The following OR2K2 variants were observed in gnomAD, a reference collection of about 807,000 sequenced individuals.
OR2K2 encodes the protein olfactory receptor 2K2.
OR2K2 carries 7 observed loss-of-function variants against 11.1 expected under a neutral mutation model. The ratio of observed to expected loss-of-function variants is 0.63; its 90% CI spans 0.36 to 1.19. The LOEUF is 1.19. OR2K2 is among the 50% of genes most tolerant of loss of function. The probability of loss-of-function intolerance (pLI) is 0.02; values close to 1 mark genes in which losing one functional copy is unlikely to be tolerated. For missense variants in OR2K2, 391 were observed against 383.4 expected (o/e 1.02, Z -0.17); for synonymous variants, 152 against 150.8 (o/e 1.01, Z -0.06).
At position 111,327,828 on chromosome 9, in the gene OR2K2, G is replaced by A. The variant is rs138267764; in HGVS notation, c.606C>T (p.Ser202=). ...GCATTGGAATTGGCAAGAGGAGAAT[G>A]CTGACCACCAGCATGATGGTGTTCA... ...LLMNTIMLVV[S]ILLLPIPMLL... Residue 202 remains serine (S), a synonymous_variant, in exon 2 of 2, where the codon AGC becomes AGT. Coordinates refer to ENST00000302681, the MANE Select transcript of OR2K2 (RefSeq NM_205859.2). The A allele has an allele frequency of 1.8e-5, 29 of 1,614,062 alleles. No individual in the cohort carries two copies. The highest frequency in any genetic ancestry group is 2.4e-5 in the Non-Finnish European group (28 of 1,180,030).
chr9:111,327,791 T>A lies in OR2K2; in HGVS notation c.643A>T (p.Ile215Phe). ...LLPIPMLLVC[I>F]SYIFILSTIL... is the part of the protein sequence containing the mutation. The stretch of plus-strand genomic sequence containing the variant: ...GTGGAAAGGATGAAGATGTAAGAGA[T>A]GCAAACTAAGAGCATTGGAATTGGC... Residue 215 changes from isoleucine (I) to phenylalanine (F), a missense_variant, in exon 2 of 2, where the codon ATC (isoleucine) becomes TTC (phenylalanine). Physicochemically the swap from Ile to Phe is conservative, Grantham distance 21. Coordinates refer to ENST00000302681, the MANE Select transcript of OR2K2 (RefSeq NM_205859.2). 6.2e-7 allele frequency: 1 copy of A among 1,614,184 alleles called. No individual in the cohort carries two copies. Among genetic ancestry groups the A allele is most frequent in the Admixed American group, 1.7e-5 (1 of 60,024 alleles).
Position 111,327,600 on chromosome 9 carries a change from T to A in OR2K2, c.834A>T (p.Gly278=). The A allele has an allele frequency of 6.2e-7, 1 of 1,614,102 alleles. No individual in the cohort carries two copies. The highest frequency in any genetic ancestry group is 8.5e-7 in the Non-Finnish European group (1 of 1,179,964). The change falls in exon 2 of 2, where the codon GGA becomes GGT. Residue 278 remains glycine (G), a synonymous_variant. Coordinates refer to ENST00000302681, the MANE Select transcript of OR2K2 (RefSeq NM_205859.2). The part of the protein sequence containing the change: ...KIDKIISLLY[G]VLTPMLNPII... The stretch of plus-strand genomic sequence containing the variant: ...TGGGGTTCAACATAGGGGTAAGCAC[T>A]CCGTAAAGCAACGAGATGATTTTGT...
Position 111,328,367 on chromosome 9 carries a change from A to G in OR2K2, c.67T>C (p.Leu23=). The G allele has an allele frequency of 6.2e-7, 1 of 1,613,680 alleles. No individual in the cohort carries two copies. The highest frequency in any genetic ancestry group is 8.5e-7 in the Non-Finnish European group (1 of 1,179,998). The change falls in exon 2 of 2, where the codon TTA becomes CTA. Residue 23 remains leucine (L), a synonymous_variant. Transcript: ENST00000302681. ...CTGAAGACGAAGAGAACCACTTCTA[A>G]CCCTGGGTACTGGGAAAATCCCTCC... ...FLEGFSQYPG[L]EVVLFVFSLV...
rs752825997 is a variant in OR2K2 at position 111,328,463 on chromosome 9, T to C, written c.-30A>G. On this transcript the variant is annotated 5_prime_UTR_variant, in exon 2 of 2. Coordinates refer to ENST00000302681, the MANE Select transcript of OR2K2 (RefSeq NM_205859.2). ...TTTCTTTCATCTATATTTCTTCCAG[T>C]ACTATTCCCTTCATTTAATCTGAGG... is the stretch of plus-strand genomic sequence containing the variant. 7.2e-7 allele frequency: 1 copy of C among 1,388,630 alleles called. No homozygotes were observed. Among genetic ancestry groups the C allele is most frequent in the East Asian group, 2.3e-5 (1 of 43,706 alleles). The allele number at this position is 1,388,630 out of a possible 1,614,324, so 86.0% of individuals were successfully genotyped here.
chr9:111,327,972 C>A lies in OR2K2; in HGVS notation c.462G>T (p.Leu154=). The A allele has an allele frequency of 6.2e-7, 1 of 1,614,128 alleles. No homozygotes were observed. Among genetic ancestry groups the A allele is most frequent in the Non-Finnish European group, 8.5e-7 (1 of 1,180,022 alleles). Residue 154 remains leucine (L), a synonymous_variant, in exon 2 of 2, where the codon CTG becomes CTT. Transcript: ENST00000302681. ...MATVSWVTGC[L]TALLETSFAL... ...CAAAACTGGTTTCCAGCAGAGCGGT[C>A]AGGCAACCCGTCACCCAGGAGACCG...
At chr9:111,329,811 T>C (rs1171690839) in intron 1 of OR2K2, among the ~76,000 whole-genome samples, 1 of 152,206 alleles carries the variant, frequency 6.6e-6, no homozygotes, top group South Asian at 2.1e-4. Context: ...TTTCACATTA[T>C]TAACAAAAAA....
At chr9:111,328,615 G>A in intron 1 of OR2K2, 133 bp from the exon 2 acceptor site, 1 of 594,492 alleles carries the variant, frequency 1.7e-6, no homozygotes, top group Middle Eastern at 4.5e-4. Context: ...GATGTAAGGG[G>A]GGGAGCAGGT....
intron 1 of OR2K2, 129 bp from the exon 2 acceptor site, chr9:111,328,611 A>AG (rs939188076): frequency 2.2e-5 from 13 of 600,420 alleles, no homozygotes; most frequent in South Asian, 1.0e-4. Flanking sequence ...TATTGATGTA[A>AG]GGGGGGGAGC....
chr9:111,329,707 G>C (rs314451), intron 1 of OR2K2, among the ~76,000 whole-genome samples: 42,797 of 152,070 alleles, frequency 0.28, 7,528 homozygotes, highest in Non-Finnish European at 0.41. Context: ...TTTCACTTGT[G>C]ATCAATGAGA....
At position 111,328,174 on chromosome 9, in the gene OR2K2, GA is replaced by G; in HGVS notation, c.259del (p.Ser87HisfsTer31). Reference protein sequence around the residue: ...SVPTLLVNLLSSQKTIIFSGC... With the variant: ...SVPTLLVNLLXSQKTIIFSGC... ...AGAAAAGATAATGGTTTTCTGGGAT[GA>G]CAGCAAGTTCACCAGCAAAGTAGGA... On this transcript the variant is annotated frameshift_variant, in exon 2 of 2. Coordinates refer to ENST00000302681, the MANE Select transcript of OR2K2 (RefSeq NM_205859.2). LOFTEE classifies it high-confidence loss of function. 3 of 1,614,184 alleles carry G rather than the reference GA, an allele frequency of 1.9e-6. No individual in the cohort carries two copies. In the East Asian group the frequency reaches 6.7e-5, roughly 36 times the overall value.
chr9:111,327,637 G>A lies in OR2K2; in HGVS notation c.797C>T (p.Ala266Val), dbSNP rs1369813226. 2 of 1,614,068 alleles carry A rather than the reference G, an allele frequency of 1.2e-6. No homozygotes were observed. Among genetic ancestry groups the A allele is most frequent in the Admixed American group, 1.7e-5 (1 of 60,000 alleles). ...SMYLKPSSSN[A>V]QKIDKIISLL... ...CGAGATGATTTTGTCTATTTTTTGT[G>A]CATTTGATGAAGAAGGCTTTAGGTA... The change falls in exon 2 of 2, where the codon GCA (alanine) becomes GTA (valine). Residue 266 changes from alanine to valine, a missense_variant. Coordinates refer to ENST00000302681, the MANE Select transcript of OR2K2 (RefSeq NM_205859.2).
chr9:111,328,744 G>C (rs2131416100), intron 1 of OR2K2, among the ~76,000 whole-genome samples: 1 of 152,216 alleles, frequency 6.6e-6, no homozygotes, highest in African/African-American at 2.4e-5. Context: ...CACACAGTAG[G>C]TCTTTAATAA....
Position 111,327,782 on chromosome 9 carries a change from T to C in OR2K2, c.652A>G (p.Ile218Val), listed in dbSNP as rs751874246. The C allele has an allele frequency of 6.2e-7, 1 of 1,614,130 alleles. No individual in the cohort carries two copies. The highest frequency in any genetic ancestry group is 2.2e-5 in the East Asian group (1 of 44,878). The change falls in exon 2 of 2, where the codon ATC becomes GTC. Residue 218 changes from isoleucine to valine, a missense_variant. Physicochemically the swap from Ile to Val is conservative, Grantham distance 29. Transcript: ENST00000302681. Reference protein sequence around the residue: ...IPMLLVCISYIFILSTILRIT... With the variant: ...IPMLLVCISYVFILSTILRIT... The stretch of plus-strand genomic sequence containing the variant: ...CTCAGAATAGTGGAAAGGATGAAGA[T>C]GTAAGAGATGCAAACTAAGAGCATT...
In OR2K2 at chr9:111,327,507, C is replaced by T. The variant is rs149938143; in HGVS notation, c.927G>A (p.Leu309=). The part of the protein sequence containing the change: ...AMKKLLGKIT[L]HQTHEHL ...ATCAGAGATGTTCGTGTGTTTGATG[C>T]AATGTTATTTTGCCCAGCAATTTCT... is the stretch of plus-strand genomic sequence containing the variant. Residue 309 remains leucine (L), a synonymous_variant, in exon 2 of 2, where the codon TTG becomes TTA. Transcript: ENST00000302681. The T allele has an allele frequency of 5.3e-5, 86 of 1,607,848 alleles. No individual in the cohort carries two copies. Among genetic ancestry groups the T allele is most frequent in the Non-Finnish European group, 6.9e-5 (81 of 1,177,206 alleles).
chr9:111,328,441 C>A lies in OR2K2; in HGVS notation c.-8G>T. 6.4e-7 allele frequency: 1 copy of A among 1,569,882 alleles called. No homozygotes were observed. The highest frequency in any genetic ancestry group is 8.7e-7 in the Non-Finnish European group (1 of 1,148,896). On this transcript the variant is annotated 5_prime_UTR_variant, in exon 2 of 2. The change creates a premature stop within an existing upstream ORF in the 5' untranslated region. Coordinates refer to ENST00000302681, the MANE Select transcript of OR2K2 (RefSeq NM_205859.2). Reference sequence around the variant, plus strand: ...GAAGTTTTCTCCTTGCATTTTCTTTCTTTCATCTATATTTCTTCCAGTACT... The same window carrying A: ...GAAGTTTTCTCCTTGCATTTTCTTTATTTCATCTATATTTCTTCCAGTACT...
At position 111,327,873 on chromosome 9, in the gene OR2K2, A is replaced by G; in HGVS notation, c.561T>C (p.Ala187=). ...TGTTCATGAGCAGTGAACTTGTGCAAGCTAACTTTAGCACCGCCAGAATTT... is the reference window on the plus strand; with the variant it reads ...TGTTCATGAGCAGTGAACTTGTGCAGGCTAACTTTAGCACCGCCAGAATTT... ...TCEILAVLKL[A]CTSSLLMNTI... Residue 187 remains alanine, a synonymous_variant, in exon 2 of 2, where the codon GCT becomes GCC. Transcript: ENST00000302681. 1 of 1,614,208 alleles carries G rather than the reference A, an allele frequency of 6.2e-7. No individual in the cohort carries two copies. The highest frequency in any genetic ancestry group is 1.1e-5 in the South Asian group (1 of 91,084).
rs1441709442 is a variant in OR2K2, at chr9:111,330,134, T to G, written c.-78A>C. On this transcript the variant is annotated 5_prime_UTR_variant, in exon 1 of 2. Transcript: ENST00000302681. Reference sequence around the variant, plus strand: ...AGATTTGATATTCAAAAGTATTTAATAGTAGCCAAGAAGAATTGGTCCTCC... The same window carrying G: ...AGATTTGATATTCAAAAGTATTTAAGAGTAGCCAAGAAGAATTGGTCCTCC... 1 of 152,206 alleles carries G rather than the reference T, an allele frequency of 6.6e-6. No individual in the cohort carries two copies. The highest frequency in any genetic ancestry group is 2.4e-5 in the African/African-American group (1 of 41,454). 9.4% of individuals were successfully genotyped at this position (152,206 alleles called of 1,614,324 possible). A position where few individuals can be genotyped will look rare whatever the true frequency, so the allele number is the denominator to read the frequency against.
In OR2K2 at chr9:111,327,936, T is replaced by C. The variant is rs774876297; in HGVS notation, c.498A>G (p.Ile166Met). 4 of 1,613,876 alleles carry C rather than the reference T, an allele frequency of 2.5e-6. No homozygotes were observed. Among genetic ancestry groups the C allele is most frequent in the Non-Finnish European group, 3.4e-6 (4 of 1,180,010 alleles). Residue 166 changes from isoleucine to methionine, a missense_variant, in exon 2 of 2, where the codon ATA becomes ATG. Coordinates refer to ENST00000302681, the MANE Select transcript of OR2K2 (RefSeq NM_205859.2). ...ALLETSFALQ[I>M]PLCGNLIDHF... ...GATCGATGAGATTCCCACAGAGGGG[T>C]ATCTGCAGGGCAAAACTGGTTTCCA...
Position 111,327,986 on chromosome 9 carries a change from C to G in OR2K2, c.448G>C (p.Val150Leu). The change falls in exon 2 of 2, where the codon GTG (valine) becomes CTG (leucine). Residue 150 changes from valine to leucine, a missense_variant. Transcript: ENST00000302681. ...VCARMATVSW[V>L]TGCLTALLET... ...AGCAGAGCGGTCAGGCAACCCGTCA[C>G]CCAGGAGACCGTAGCCATCCGTGCA... The G allele has an allele frequency of 1.2e-6, 2 of 1,614,130 alleles. No homozygotes were observed. Among genetic ancestry groups the G allele is most frequent in the Middle Eastern group, 1.6e-4 (1 of 6,062 alleles).
Sources: gnomAD v4.1 joint callset for allele counts (sites outside exome capture counted in the v4.1 genomes callset) on GRCh38, gnomAD v4.1.1 for gene constraint, MANE v1.5 for transcripts, NCBI Gene and HGNC (gene_info 2026-07-23, HGNC 2026-07-21) for gene names.